Variants in RABGAP1L observed in about 807,000 individuals in gnomAD.
RABGAP1L encodes RAB GTPase activating protein 1 like.
A neutral mutation model predicts 137.7 loss-of-function variants in RABGAP1L; 63 were observed. That is an observed-to-expected ratio of 0.46 (90% CI 0.37 to 0.56). The LOEUF is 0.56. Among genes scored for constraint, RABGAP1L ranks in the 20% least tolerant of loss-of-function variants. The pLI is 0.00. For missense variants in RABGAP1L, 1,095 were observed against 1,244.0 expected, an observed-to-expected ratio of 0.88 and a Z score of 1.80; for synonymous variants, 431 against 433.7, an observed-to-expected ratio of 0.99 and a Z score of 0.08.
At chr1:174,456,223 GT>G (rs1199123290) in intron 13 of RABGAP1L, among the ~76,000 whole-genome samples, 1 of 151,884 alleles carries the variant, frequency 6.6e-6, no homozygotes, top group African/African-American at 2.4e-5. Context: ...TCTTTTAACA[GT>G]TTTTTATCCA....
chr1:174,640,698 A>G (rs576669193), intron 14 of RABGAP1L, among the ~76,000 whole-genome samples: 1 of 151,982 alleles, frequency 6.6e-6, no homozygotes, highest in African/African-American at 2.4e-5. Context: ...TGCTATATGT[A>G]AATAAGGACA....
chr1:174,267,648 T>G (rs991159390), intron 7 of RABGAP1L, among the ~76,000 whole-genome samples: 2 of 152,244 alleles, frequency 1.3e-5, no homozygotes, highest in Admixed American at 6.5e-5. Flanking sequence ...AAAAATACTT[T>G]GTATTGTAAA....
intron 19 of RABGAP1L, among the ~76,000 whole-genome samples, chr1:174,911,128 AT>A (rs1239721259): frequency 6.6e-6 from 1 of 152,076 alleles, no homozygotes; most frequent in Non-Finnish European, 1.5e-5. Context: ...TTTTTTACCT[AT>A]TTTTAAATTT....
chr1:174,515,579 T>C (rs1662751855), intron 13 of RABGAP1L, among the ~76,000 whole-genome samples: 1 of 152,178 alleles, frequency 6.6e-6, no homozygotes, highest in Non-Finnish European at 1.5e-5. Flanking sequence ...ATACAGACCT[T>C]AATACACCTA....
In RABGAP1L at chr1:174,518,102, A is replaced by G. The variant is rs143556468; in HGVS notation, c.1711-119273A>G. ...AAGTTAAAAGCAAACAAAAATGCGCATTAAAAAATGAAAACCAGAAAACAA... is the reference window on the plus strand; with the variant it reads ...AAGTTAAAAGCAAACAAAAATGCGCGTTAAAAAATGAAAACCAGAAAACAA... On this transcript the variant is annotated intron_variant, in intron 13 of 25. Coordinates refer to ENST00000681986, the MANE Select transcript of RABGAP1L (RefSeq NM_001366446.1). Among the ~76,000 whole-genome samples the G allele has an allele frequency of 2.8e-3, 431 of 152,336 alleles. 2 individuals carry two copies. Among genetic ancestry groups the G allele is most frequent in the African/African-American group, 8.6e-3 (358 of 41,574 alleles).
At chr1:174,550,983 C>CATATATATACATATATAT (rs1553330240) in intron 13 of RABGAP1L, among the ~76,000 whole-genome samples, 75 of 83,420 alleles carry the variant, frequency 9.0e-4, no homozygotes, top group Non-Finnish European at 1.0e-3. Context: ...TGTATATATA[C>CATATATATACATATATAT]ATATATATAT....
intron 13 of RABGAP1L, among the ~76,000 whole-genome samples, chr1:174,467,076 G>T (rs183343581): frequency 6.6e-6 from 1 of 152,008 alleles, no homozygotes; most frequent in Non-Finnish European, 1.5e-5. Context: ...AGTCTATTTT[G>T]GGCTTTCCAG....
At chr1:174,487,474 AAT>A (rs1461495000) in intron 13 of RABGAP1L, among the ~76,000 whole-genome samples, 1 of 152,050 alleles carries the variant, frequency 6.6e-6, no homozygotes, top group African/African-American at 2.4e-5. Context: ...ATTGGGATGG[AAT>A]ATCTTTTTCC....
chr1:174,526,427 T>C (rs540970423), intron 13 of RABGAP1L, among the ~76,000 whole-genome samples: 2 of 152,274 alleles, frequency 1.3e-5, no homozygotes, highest in African/African-American at 4.8e-5. Context: ...TATTAGTTCT[T>C]TGTGTGTTCG....
At chr1:174,972,032 T>C (rs1670177698) in intron 21 of RABGAP1L, among the ~76,000 whole-genome samples, 1 of 152,218 alleles carries the variant, frequency 6.6e-6, no homozygotes, top group Non-Finnish European at 1.5e-5. Flanking sequence ...AGAGCCTTCC[T>C]CTCTTGAGAA....
chr1:174,611,843 T>A (rs1671283579), intron 13 of RABGAP1L, among the ~76,000 whole-genome samples: 1 of 152,340 alleles, frequency 6.6e-6, no homozygotes, highest in Admixed American at 6.5e-5. Context: ...TCACTCATGA[T>A]TTGGCTCTCT....
chr1:174,665,823 T>C (rs893659009), intron 14 of RABGAP1L, among the ~76,000 whole-genome samples: 6 of 152,242 alleles, frequency 3.9e-5, no homozygotes, highest in African/African-American at 1.2e-4. Context: ...AGAGGGGTGT[T>C]ACAATTATTA....
chr1:174,700,519 C>T (rs1456226851), intron 16 of RABGAP1L: 1 of 152,368 alleles, frequency 6.6e-6, no homozygotes, highest in Non-Finnish European at 1.5e-5. Context: ...CCGTAGGTGT[C>T]TAAAGAGGGA....
intron 12 of RABGAP1L, among the ~76,000 whole-genome samples, chr1:174,384,508 CA>C (rs900093941): frequency 9.1e-6 from 1 of 110,298 alleles, no homozygotes. Context: ...GTCACTAAAC[CA>C]AAAAAAAGGA....
intron 13 of RABGAP1L, among the ~76,000 whole-genome samples, chr1:174,618,584 G>A (rs1194529755): frequency 1.3e-5 from 2 of 152,158 alleles, no homozygotes; most frequent in East Asian, 1.9e-4. Context: ...TGAGGGTCCT[G>A]ACTGTTAGAA....
intron 18 of RABGAP1L, among the ~76,000 whole-genome samples, chr1:174,795,249 A>G (rs1688160326): frequency 6.6e-6 from 1 of 152,126 alleles, no homozygotes; most frequent in Non-Finnish European, 1.5e-5. Flanking sequence ...CGATTAAGGA[A>G]AAGCAGACAT....
At chr1:174,530,551 T>C (rs1436831030) in intron 13 of RABGAP1L, among the ~76,000 whole-genome samples, 1 of 152,164 alleles carries the variant, frequency 6.6e-6, no homozygotes, top group Non-Finnish European at 1.5e-5. Context: ...GGGAATGTGA[T>C]CTACTGAGGA....
At chr1:174,938,694 C>T (rs865812448) in intron 19 of RABGAP1L, among the ~76,000 whole-genome samples, 11 of 152,176 alleles carry the variant, frequency 7.2e-5, no homozygotes, top group Middle Eastern at 3.4e-3. Flanking sequence ...TTTTAACGGC[C>T]GTGATAAACT....
intron 13 of RABGAP1L, among the ~76,000 whole-genome samples, chr1:174,504,697 C>T (rs1467269438): frequency 6.6e-6 from 1 of 152,130 alleles, no homozygotes; most frequent in African/African-American, 2.4e-5. Context: ...ATTAGAGCCT[C>T]ATTTCATACC....
Sources: gnomAD v4.1 joint callset for allele counts (sites outside exome capture counted in the v4.1 genomes callset) on GRCh38, gnomAD v4.1.1 for gene constraint, MANE v1.5 for transcripts, NCBI Gene and HGNC (gene_info 2026-07-23, HGNC 2026-07-21) for gene names.